Variants in LPP observed in about 807,000 individuals in gnomAD.
LPP encodes LIM domain containing preferred translocation partner in lipoma, also known as lipoma-preferred partner.
A neutral mutation model predicts 60.4 loss-of-function variants in LPP; 38 were observed. The ratio of observed to expected loss-of-function variants is 0.63; its 90% CI spans 0.49 to 0.83. LPP has a LOEUF of 0.83. LPP is among the 40% of genes least tolerant of loss of function. The pLI is 0.00. For missense variants in LPP, 902 were observed against 783.6 expected, an observed-to-expected ratio of 1.15 and a Z score of -1.80; for synonymous variants, 328 against 290.8, an observed-to-expected ratio of 1.13 and a Z score of -1.30.
intron 9 of LPP, among the ~76,000 whole-genome samples, chr3:188,791,482 T>G (rs1020867285): frequency 3.9e-5 from 6 of 152,222 alleles, no homozygotes; most frequent in Non-Finnish European, 8.8e-5. Context: ...GTGTTGGTGA[T>G]GTATGTTCTG....
At chr3:188,651,532 A>G (rs1458339034) in intron 7 of LPP, among the ~76,000 whole-genome samples, 1 of 152,218 alleles carries the variant, frequency 6.6e-6, no homozygotes, top group African/African-American at 2.4e-5. Context: ...CACGCTGCTG[A>G]TAAAGACATA....
chr3:188,177,608 G>T (rs1270591055), intron 1 of LPP, among the ~76,000 whole-genome samples: 1 of 152,152 alleles, frequency 6.6e-6, no homozygotes, highest in Non-Finnish European at 1.5e-5. Flanking sequence ...GGAAGATGAA[G>T]ATTAGGTCTT....
intron 9 of LPP, among the ~76,000 whole-genome samples, chr3:188,835,584 A>C (rs926748461): frequency 2.6e-5 from 4 of 152,014 alleles, no homozygotes; most frequent in Non-Finnish European, 4.4e-5. Flanking sequence ...GCACCATTGC[A>C]CTCCAGCCTA....
chr3:188,284,750 A>G (rs933778105), intron 2 of LPP, among the ~76,000 whole-genome samples: 11 of 152,190 alleles, frequency 7.2e-5, no homozygotes, highest in African/African-American at 2.4e-4. Context: ...TAAGTTTAGT[A>G]ATGACTGCGA....
intron 1 of LPP, among the ~76,000 whole-genome samples, chr3:188,224,050 G>A (rs143795117): frequency 2.0e-5 from 3 of 152,176 alleles, no homozygotes; most frequent in East Asian, 3.9e-4. Context: ...GGTGTTCGAG[G>A]CCTGGATTTG....
chr3:188,849,324 G>A (rs1762218941), intron 9 of LPP, among the ~76,000 whole-genome samples: 1 of 150,806 alleles, frequency 6.6e-6, no homozygotes, highest in Non-Finnish European at 1.5e-5. Flanking sequence ...GCTACAATTT[G>A]GAGGTTCTAA....
chr3:188,744,767 A>G (rs1725589549), intron 8 of LPP, among the ~76,000 whole-genome samples: 1 of 152,136 alleles, frequency 6.6e-6, no homozygotes, highest in African/African-American at 2.4e-5. Flanking sequence ...AAATGTATAT[A>G]TGGTCATCCC....
At chr3:188,671,101 T>C (rs17670167) in intron 7 of LPP, among the ~76,000 whole-genome samples, 1,883 of 152,364 alleles carry the variant, frequency 0.012, 23 homozygotes, top group Non-Finnish European at 0.022. Flanking sequence ...TTTGAAAGTC[T>C]TAGATCAAGT....
At chr3:188,761,226 A>G (rs1445012134) in intron 9 of LPP, among the ~76,000 whole-genome samples, 1 of 152,194 alleles carries the variant, frequency 6.6e-6, no homozygotes, top group Non-Finnish European at 1.5e-5. Flanking sequence ...TTACCAAGGT[A>G]TTGGGAGTCA....
intron 1 of LPP, among the ~76,000 whole-genome samples, chr3:188,206,515 A>G (rs1434461663): frequency 6.6e-6 from 1 of 152,256 alleles, no homozygotes; most frequent in African/African-American, 2.4e-5. Flanking sequence ...ACCGGCTCAC[A>G]AGAAAGGCAA....
chr3:188,643,756 T>A (rs1003562335), intron 7 of LPP, among the ~76,000 whole-genome samples: 1 of 152,136 alleles, frequency 6.6e-6, no homozygotes, highest in South Asian at 2.1e-4. Flanking sequence ...TTCAGTAGCG[T>A]CTATGTGCTA....
rs1553936328 is a variant in LPP, at chr3:188,592,553, T to TTTTTTTTTTTTG, written c.430-16605_430-16604insTTTTTTTTGTTT. ...TGAGTATCACTGTTTTTAGTTTTGT[T>TTTTTTTTTTTTG]TTTGTTTTTTAAATGGAGTCTCACT... On this transcript the variant is annotated intron_variant, in intron 6 of 11. Coordinates refer to ENST00000617246, the MANE Select transcript of LPP (RefSeq NM_001375462.1). 1.2e-3 allele frequency among the ~76,000 whole-genome samples: 142 copies of TTTTTTTTTTTTG among 121,308 alleles called. 1 individual carries two copies. Among genetic ancestry groups the TTTTTTTTTTTTG allele is most frequent in the African/African-American group, 3.3e-3 (115 of 34,528 alleles). 79.6% of individuals were successfully genotyped at this position (121,308 alleles called of 152,430 possible).
chr3:188,426,935 C>A (rs951463447), intron 4 of LPP, among the ~76,000 whole-genome samples: 2 of 152,038 alleles, frequency 1.3e-5, no homozygotes, highest in African/African-American at 4.8e-5. Context: ...TTAACTGGGG[C>A]CTTTAGCCTG....
chr3:188,462,587 CATGTGTGTGTGTGTGTGTGTGT>C (rs1328336056), intron 4 of LPP, among the ~76,000 whole-genome samples: 12 of 43,162 alleles, frequency 2.8e-4, no homozygotes, highest in African/African-American at 1.1e-3. Flanking sequence ...TATATATATG[CATGTGTGTGTGTGTGTGTGTGT>C]GTGTGTGTGT....
At chr3:188,284,902 G>A (rs1577846866) in intron 2 of LPP, among the ~76,000 whole-genome samples, 1 of 152,226 alleles carries the variant, frequency 6.6e-6, no homozygotes, top group Non-Finnish European at 1.5e-5. Context: ...ATTATTCCTC[G>A]AAGTATGACT....
At chr3:188,267,576 T>G (rs1163600417) in intron 2 of LPP, among the ~76,000 whole-genome samples, 1 of 152,196 alleles carries the variant, frequency 6.6e-6, no homozygotes, top group East Asian at 1.9e-4. Flanking sequence ...AAGAGCTCTG[T>G]GCCTCTGTGG....
At chr3:188,282,159 C>T (rs991180084) in intron 2 of LPP, among the ~76,000 whole-genome samples, 4 of 141,678 alleles carry the variant, frequency 2.8e-5, no homozygotes, top group Non-Finnish European at 4.7e-5. Flanking sequence ...ACCTTTCATA[C>T]TTTCTTTATT....
chr3:188,608,213 G>C (rs1842904614), intron 6 of LPP, among the ~76,000 whole-genome samples: 1 of 152,124 alleles, frequency 6.6e-6, no homozygotes, highest in African/African-American at 2.4e-5. Flanking sequence ...TTTTGTTTAA[G>C]TTCAGATAAC....
chr3:188,580,936 A>G (rs967840487), intron 6 of LPP, among the ~76,000 whole-genome samples: 4 of 152,040 alleles, frequency 2.6e-5, no homozygotes, highest in South Asian at 4.1e-4. Flanking sequence ...CCTCAGCTCT[A>G]CTTCCAAGAC....
Sources: gnomAD v4.1 joint callset for allele counts (sites outside exome capture counted in the v4.1 genomes callset) on GRCh38, gnomAD v4.1.1 for gene constraint, MANE v1.5 for transcripts, NCBI Gene and HGNC (gene_info 2026-07-23, HGNC 2026-07-21) for gene names.